Variants in MAP3K20 observed in about 807,000 individuals in gnomAD.
MAP3K20 encodes mitogen-activated protein kinase kinase kinase 20, also known as HCCS-4.
Under a neutral mutation model 85.7 loss-of-function variants are expected in MAP3K20, and 40 were observed. The observed-to-expected ratio is 0.47, with a 90% CI of 0.36 to 0.61. The LOEUF (loss-of-function observed/expected upper bound fraction) is 0.61, where lower values mean the gene tolerates loss of function less well. Among genes scored for constraint, MAP3K20 ranks in the 20% least tolerant of loss-of-function variants. The probability of loss-of-function intolerance (pLI) is 0.00; values close to 1 mark genes in which losing one functional copy is unlikely to be tolerated. For missense variants in MAP3K20, 817 were observed against 961.7 expected (o/e 0.85, Z 1.99); for synonymous variants, 325 against 327.7 (o/e 0.99, Z 0.09).
intron 2 of MAP3K20, among the ~76,000 whole-genome samples, chr2:173,167,943 TA>T (rs1408382729): frequency 6.6e-6 from 1 of 152,204 alleles, no homozygotes; most frequent in African/African-American, 2.4e-5. Flanking sequence ...GTTCAAACAT[TA>T]ACTCTATTGC....
intron 2 of MAP3K20, among the ~76,000 whole-genome samples, chr2:173,157,840 G>A (rs1473140798): frequency 1.3e-5 from 2 of 152,204 alleles, no homozygotes; most frequent in Non-Finnish European, 2.9e-5. Flanking sequence ...GGAAGACTTG[G>A]AAATCTTATA....
chr2:173,184,539 T>C (rs1395876976), intron 4 of MAP3K20, among the ~76,000 whole-genome samples: 3 of 152,176 alleles, frequency 2.0e-5, no homozygotes, highest in African/African-American at 4.8e-5. Context: ...CCACATCAGC[T>C]GAGTCATTCT....
chr2:173,121,541 C>T (rs971012225), intron 2 of MAP3K20, among the ~76,000 whole-genome samples: 2 of 152,104 alleles, frequency 1.3e-5, no homozygotes, highest in African/African-American at 2.4e-5. Flanking sequence ...CGCCCGCCAC[C>T]ACGCCCGGCT....
At chr2:173,245,951 T>G (rs894213632) in intron 16 of MAP3K20, among the ~76,000 whole-genome samples, 1 of 152,210 alleles carries the variant, frequency 6.6e-6, no homozygotes, top group Admixed American at 6.5e-5. Flanking sequence ...GTAATTTAGA[T>G]GACATCATAT....
In MAP3K20 at chr2:173,221,473, C is replaced by CAAT. The variant is rs1553587343; in HGVS notation, c.987+4223_987+4224insAAT. ...GTGATTTTGACTTGTCAGAAGGTGA[C>CAAT]GATGATGATGATGATGACGGTGAGG... is the stretch of plus-strand genomic sequence containing the variant. On this transcript the variant is annotated intron_variant, in intron 11 of 19. Transcript: ENST00000375213. The CAAT allele has an allele frequency of 6.8e-6, 11 of 1,608,964 alleles. No individual in the cohort carries two copies. The African/African-American group carries it at 9.4e-5, about 14-fold the overall frequency.
chr2:173,238,256 C>A, intron 14 of MAP3K20, 117 bp from the exon 15 acceptor site: 1 of 800,604 alleles, frequency 1.2e-6, no homozygotes, highest in Non-Finnish European at 2.0e-6. Flanking sequence ...GATATAAATG[C>A]CCCCAAGATA....
chr2:173,226,698 A>G, intron 11 of MAP3K20: 1 of 985,836 alleles, frequency 1.0e-6, no homozygotes. Flanking sequence ...AAGCACCTAC[A>G]TTAATTATTT....
intron 2 of MAP3K20, among the ~76,000 whole-genome samples, chr2:173,152,788 TAGTAGA>T (rs1689345422): frequency 6.6e-6 from 1 of 152,180 alleles, no homozygotes; most frequent in South Asian, 2.1e-4. Context: ...TAATTTGACA[TAGTAGA>T]AGTAGAATAG....
chr2:173,238,235 A>C, intron 14 of MAP3K20, 138 bp from the exon 15 acceptor site: 1 of 709,050 alleles, frequency 1.4e-6, no homozygotes, highest in Non-Finnish European at 2.4e-6. Flanking sequence ...ATTTATTCTA[A>C]ATAGACGTTG....
At chr2:173,147,691 A>T (rs1347445119) in intron 2 of MAP3K20, among the ~76,000 whole-genome samples, 2 of 151,972 alleles carry the variant, frequency 1.3e-5, no homozygotes, top group East Asian at 3.9e-4. Context: ...GGTTCAAGTG[A>T]TTCTCCTGCC....
chr2:173,215,423 G>A (rs1161667207), intron 10 of MAP3K20, among the ~76,000 whole-genome samples: 1 of 151,946 alleles, frequency 6.6e-6, no homozygotes, highest in Non-Finnish European at 1.5e-5. Context: ...CTTTGTTTAC[G>A]TGCATAGGCA....
intron 2 of MAP3K20, among the ~76,000 whole-genome samples, chr2:173,157,311 A>G (rs1480005597): frequency 1.5e-5 from 2 of 131,232 alleles, no homozygotes; most frequent in Non-Finnish European, 3.3e-5. Flanking sequence ...TGTATTAGTT[A>G]GGGTTTGGTA....
rs572156425 is a variant in MAP3K20 at position 173,111,912 on chromosome 2, A to G, written c.159+20722A>G. Among the ~76,000 whole-genome samples, 170 of 152,196 alleles carry G rather than the reference A, an allele frequency of 1.1e-3. 2 individuals carry two copies. The highest frequency in any genetic ancestry group is 1.4e-3 in the Non-Finnish European group (93 of 68,000). On this transcript the variant is annotated intron_variant, in intron 2 of 19. Transcript: ENST00000375213. ...GCTATGCATGCTCTTTTTTGGTTTC[A>G]TGTGAATTTTAGAATTGTTTTTTCT...
At position 173,170,054 on chromosome 2, in the gene MAP3K20, T is replaced by C. The variant is rs150766660; in HGVS notation, c.247+162T>C. Among the ~76,000 whole-genome samples, 31 of 152,332 alleles carry C rather than the reference T, an allele frequency of 2.0e-4. No homozygotes were observed. The East Asian group carries it at 5.0e-3, about 25-fold the overall frequency. ...ATTAATAAAACTGATTATATCAATA[T>C]AATTAAGAATAGTGTTTCCACTTCT... On this transcript the variant is annotated intron_variant, in intron 3 of 19. Transcript: ENST00000375213.
intron 10 of MAP3K20, among the ~76,000 whole-genome samples, chr2:173,213,771 A>C (rs1683985181): frequency 1.3e-5 from 2 of 152,328 alleles, no homozygotes; most frequent in South Asian, 4.1e-4. Context: ...TGCAATATTC[A>C]CTTGACTGAA....
chr2:173,184,490 A>G (rs1268528327), intron 4 of MAP3K20, among the ~76,000 whole-genome samples: 1 of 152,100 alleles, frequency 6.6e-6, no homozygotes, highest in Non-Finnish European at 1.5e-5. Flanking sequence ...CCTTAACCAC[A>G]TGCCACATCA....
At chr2:173,113,789 G>T (rs1688041849) in intron 2 of MAP3K20, among the ~76,000 whole-genome samples, 1 of 151,886 alleles carries the variant, frequency 6.6e-6, no homozygotes, top group Non-Finnish European at 1.5e-5. Context: ...GTTTATTGAG[G>T]TTGGTTTTAT....
intron 10 of MAP3K20, among the ~76,000 whole-genome samples, chr2:173,213,810 G>A (rs1179325252): frequency 1.3e-5 from 2 of 152,198 alleles, no homozygotes; most frequent in Non-Finnish European, 2.9e-5. Flanking sequence ...AAATATTACA[G>A]GGCATGATCA....
chr2:173,130,507 G>C (rs79209966), intron 2 of MAP3K20, among the ~76,000 whole-genome samples: 3,067 of 152,236 alleles, frequency 0.02, 55 homozygotes, highest in Admixed American at 0.041. Flanking sequence ...GGAATTAGTT[G>C]CTTCCCTCTC....
Sources: gnomAD v4.1 joint callset for allele counts (sites outside exome capture counted in the v4.1 genomes callset) on GRCh38, gnomAD v4.1.1 for gene constraint, MANE v1.5 for transcripts, NCBI Gene and HGNC (gene_info 2026-07-23, HGNC 2026-07-21) for gene names.